Variants in EGFR observed in about 807,000 individuals in gnomAD.
EGFR encodes avian erythroblastic leukemia viral (v-erb-b) oncogene homolog.
In EGFR, 58 loss-of-function variants were observed where a neutral mutation model predicts 143.0. The ratio of observed to expected loss-of-function variants is 0.41; its 90% confidence interval spans 0.33 to 0.50. The LOEUF (loss-of-function observed/expected upper bound fraction) is 0.50. Ranked by LOEUF, EGFR falls within the 20% of genes least tolerant of loss-of-function variation. EGFR has a pLI of 0.39. For missense variants in EGFR, 1,307 were observed against 1,579.0 expected (o/e 0.83, Z 2.92); for synonymous variants, 613 against 594.4 (o/e 1.03, Z -0.45).
rs371730441 is a variant in EGFR at position 55,198,872 on chromosome 7, C to G, written c.2848+9C>G. The G allele has an allele frequency of 1.2e-6, 2 of 1,613,904 alleles. No homozygotes were observed. Among genetic ancestry groups the G allele is most frequent in the Non-Finnish European group, 1.7e-6 (2 of 1,180,026 alleles). On this transcript the variant is annotated intron_variant, in intron 23 of 27. Coordinates refer to ENST00000275493, the MANE Select transcript of EGFR (RefSeq NM_005228.5). ...CATGATCATGGTCAAGTGTGAGTGA[C>G]TGGTGGGTCTGTCCACACTGCCTAG...
At chr7:55,077,543 A>G (rs1790196980) in intron 1 of EGFR, among the ~76,000 whole-genome samples, 2 of 152,172 alleles carry the variant, frequency 1.3e-5, no homozygotes, top group Admixed American at 1.3e-4. Context: ...ACCCTGCCTC[A>G]CACTTGCTGG....
intron 1 of EGFR, among the ~76,000 whole-genome samples, chr7:55,027,846 C>T (rs753026227): frequency 9.2e-5 from 14 of 151,828 alleles, no homozygotes; most frequent in African/African-American, 1.2e-4. Context: ...TGTTCTGATC[C>T]ACTGTTGAAA....
intron 1 of EGFR, among the ~76,000 whole-genome samples, chr7:55,119,749 T>A (rs1165552300): frequency 6.6e-6 from 1 of 152,180 alleles, no homozygotes; most frequent in East Asian, 1.9e-4. Context: ...CTGGTTCACC[T>A]CTCCTCTTGA....
In EGFR at chr7:55,192,830, T is replaced by C. The variant is rs1334821010; in HGVS notation, c.2690T>C (p.Val897Ala). Reference protein sequence around the residue: ...LHRIYTHQSDVWSYGVTVWEL... With the variant: ...LHRIYTHQSDAWSYGVTVWEL... Reference sequence around the variant, plus strand: ...AGAATCTATACCCACCAGAGTGATGTCTGGAGCTACGGTGAGTCATAATCC... The same window carrying C: ...AGAATCTATACCCACCAGAGTGATGCCTGGAGCTACGGTGAGTCATAATCC... Residue 897 changes from valine to alanine, a missense_variant, in exon 22 of 28, where the codon GTC becomes GCC. By Grantham distance (64) the Val-to-Ala change is moderately conservative (BLOSUM62 0). Transcript: ENST00000275493. 6.8e-6 allele frequency: 11 copies of C among 1,614,098 alleles called. No individual in the cohort carries two copies. Among genetic ancestry groups the C allele is most frequent in the East Asian group, 6.7e-5 (3 of 44,902 alleles).
At chr7:55,042,354 A>T (rs1187481849) in intron 1 of EGFR, among the ~76,000 whole-genome samples, 3 of 152,192 alleles carry the variant, frequency 2.0e-5, no homozygotes, top group African/African-American at 7.2e-5. Context: ...TTGCTGTCTG[A>T]TTGAACCTTC....
chr7:55,183,986 A>G (rs1239799850), intron 20 of EGFR, among the ~76,000 whole-genome samples: 1 of 152,228 alleles, frequency 6.6e-6, no homozygotes, highest in Non-Finnish European at 1.5e-5. Flanking sequence ...CGTTTTCCTT[A>G]AGGGGCACGT....
rs185893960 is a variant in EGFR at position 55,027,813 on chromosome 7, T to C, written c.88+8448T>C. The stretch of plus-strand genomic sequence containing the variant: ...CTTAAATTAATTGAGCCATTGGTAC[T>C]TGTGAATTAGAAGAGACATCTATGT... On this transcript the variant is annotated intron_variant, in intron 1 of 27. Transcript: ENST00000275493. Among the ~76,000 whole-genome samples the C allele has an allele frequency of 8.5e-5, 13 of 152,120 alleles. No individual in the cohort carries two copies. The East Asian group carries it at 1.9e-3, about 23-fold the overall frequency.
At chr7:55,177,410 G>C (rs534398192) in intron 19 of EGFR, among the ~76,000 whole-genome samples, 1 of 152,186 alleles carries the variant, frequency 6.6e-6, no homozygotes, top group Non-Finnish European at 1.5e-5. Flanking sequence ...ACGCATGCAC[G>C]GCAGCAATGA....
intron 1 of EGFR, among the ~76,000 whole-genome samples, chr7:55,062,108 A>G (rs1225458958): frequency 6.6e-6 from 1 of 152,206 alleles, no homozygotes; most frequent in African/African-American, 2.4e-5. Flanking sequence ...GAAGAGTAAG[A>G]AGTCTATCTT....
chr7:55,154,608 G>A (rs1050241539), intron 7 of EGFR, among the ~76,000 whole-genome samples: 1 of 152,230 alleles, frequency 6.6e-6, no homozygotes, highest in African/African-American at 2.4e-5. Context: ...TCTAGTGAAA[G>A]TTATGCCTCT....
chr7:55,157,709 T>C lies in EGFR; in HGVS notation c.1254T>C (p.His418=), dbSNP rs2128939687. The C allele has an allele frequency of 1.2e-6, 2 of 1,614,252 alleles. No individual in the cohort carries two copies. Among genetic ancestry groups the C allele is most frequent in the Non-Finnish European group, 1.7e-6 (2 of 1,180,036 alleles). ...QAWPENRTDL[H]AFENLEIIRG... is the part of the protein sequence containing the mutation. ...GGCCTGAAAACAGGACGGACCTCCA[T>C]GCCTTTGAGAACCTAGAAATCATAC... Residue 418 remains histidine (H), a synonymous_variant, in exon 11 of 28, where the codon CAT becomes CAC. Coordinates refer to ENST00000275493, the MANE Select transcript of EGFR (RefSeq NM_005228.5).
rs976032004 is a variant in EGFR at position 55,022,868 on chromosome 7, G to A, written c.88+3503G>A. Among the ~76,000 whole-genome samples, 4 of 152,184 alleles carry A rather than the reference G, an allele frequency of 2.6e-5. No homozygotes were observed. The South Asian group carries it at 6.2e-4, about 24-fold the overall frequency. ...TGCTGCATAATTACACTTGGTCCAC[G>A]TGACAGCACTAACATGTTCTGAAAT... On this transcript the variant is annotated intron_variant, in intron 1 of 27. Transcript: ENST00000275493.
At chr7:55,061,729 G>A (rs1026244505) in intron 1 of EGFR, among the ~76,000 whole-genome samples, 1 of 151,882 alleles carries the variant, frequency 6.6e-6, no homozygotes, top group Admixed American at 6.6e-5. Context: ...TTTTGGAACC[G>A]AGACAAATGG....
intron 20 of EGFR, among the ~76,000 whole-genome samples, chr7:55,186,445 C>T (rs1787142464): frequency 5.3e-5 from 8 of 152,244 alleles, no homozygotes; most frequent in Admixed American, 5.2e-4. Context: ...AGCCCTGCAC[C>T]TCCTGATCCC....
chr7:55,110,509 C>A (rs1176370221), intron 1 of EGFR, among the ~76,000 whole-genome samples: 3 of 152,170 alleles, frequency 2.0e-5, no homozygotes, highest in African/African-American at 7.2e-5. Flanking sequence ...TGGCACTGAC[C>A]CCGATGATTT....
intron 1 of EGFR, among the ~76,000 whole-genome samples, chr7:55,026,053 G>T (rs574211447): frequency 6.6e-6 from 1 of 152,140 alleles, no homozygotes; most frequent in Admixed American, 6.5e-5. Context: ...CAGCTGAGGG[G>T]CTTTTGAAAA....
At position 55,020,252 on chromosome 7, in the gene EGFR, C is replaced by T. The variant is rs192871689; in HGVS notation, c.88+887C>T. On this transcript the variant is annotated intron_variant, in intron 1 of 27. Coordinates refer to ENST00000275493, the MANE Select transcript of EGFR (RefSeq NM_005228.5). ...ACCCCAGCTCCCTCCTGGGCGCCCG[C>T]GCCGAAAGCCCCAGGCTCTCCTTCG... Among the ~76,000 whole-genome samples, 1,490 of 152,330 alleles carry T rather than the reference C, an allele frequency of 9.8e-3. 11 individuals are homozygous for T. Among genetic ancestry groups the T allele is most frequent in the Non-Finnish European group, 0.015 (1,021 of 68,028 alleles).
rs770252322 is a variant in EGFR at position 55,160,101 on chromosome 7, A to C, written c.1299-38A>C. ...GTTTTCAGGGATACATTGTTTTTATAATTTTTCACCACATGATTTTTCTTC... is the reference window on the plus strand; with the variant it reads ...GTTTTCAGGGATACATTGTTTTTATCATTTTTCACCACATGATTTTTCTTC... On this transcript the variant is annotated intron_variant, in intron 11 of 27. Coordinates refer to ENST00000275493, the MANE Select transcript of EGFR (RefSeq NM_005228.5). 2.5e-6 allele frequency: 4 copies of C among 1,610,454 alleles called. No individual in the cohort carries two copies. The African/African-American group carries it at 5.3e-5, about 22-fold the overall frequency.
intron 1 of EGFR, among the ~76,000 whole-genome samples, chr7:55,049,251 C>T (rs572878160): frequency 5.3e-5 from 8 of 152,214 alleles, no homozygotes; most frequent in African/African-American, 1.7e-4. Context: ...AAAGCTCTAC[C>T]GCCTGTTTAT....
Sources: gnomAD v4.1 joint callset for allele counts (sites outside exome capture counted in the v4.1 genomes callset) on GRCh38, gnomAD v4.1.1 for gene constraint, MANE v1.5 for transcripts, NCBI Gene and HGNC (gene_info 2026-07-23, HGNC 2026-07-21) for gene names.